The following PRKRIP1 variants were observed in gnomAD, a reference collection of about 807,000 sequenced individuals.
PRKRIP1 encodes PRKR interacting protein 1.
Under a neutral mutation model 29.3 loss-of-function variants are expected in PRKRIP1, and 29 were observed. That is an observed-to-expected ratio of 0.99 (90% CI 0.74 to 1.35). The LOEUF is 1.35. PRKRIP1 is among the 40% of genes most tolerant of loss of function. The pLI, the probability that PRKRIP1 is intolerant of heterozygous loss-of-function variation, is 0.00. For synonymous variants in PRKRIP1, 90 were observed against 85.1 expected (o/e 1.06, Z -0.32); for missense variants, 247 against 236.8 (o/e 1.04, Z -0.28).
At position 102,425,175 on chromosome 7, in the gene PRKRIP1, T is replaced by A. The variant is rs1554574294; in HGVS notation, c.*64T>A. ...GCTGTGACCAGAAGGGAAAGGCGGC[T>A]GTTTGGCTCTTTCTCCCCCGCAAGG... is the stretch of plus-strand genomic sequence containing the variant. On this transcript the variant is annotated 3_prime_UTR_variant, in exon 6 of 6. Coordinates refer to ENST00000397912, the MANE Select transcript of PRKRIP1 (RefSeq NM_024653.4). 4 of 1,557,480 alleles carry A rather than the reference T, an allele frequency of 2.6e-6. No homozygotes were observed. The highest frequency in any genetic ancestry group is 3.8e-5 in the Admixed American group (2 of 52,654).
At chr7:102,420,531 G>C (rs1796666633) in intron 5 of PRKRIP1, among the ~76,000 whole-genome samples, 1 of 152,106 alleles carries the variant, frequency 6.6e-6, no homozygotes, top group African/African-American at 2.4e-5. Flanking sequence ...ATTTCTTACT[G>C]TTATGTATTT....
intron 5 of PRKRIP1, among the ~76,000 whole-genome samples, chr7:102,419,278 G>A (rs1213471180): frequency 6.6e-6 from 1 of 152,014 alleles, no homozygotes; most frequent in African/African-American, 2.4e-5. Context: ...GCCAGGCACT[G>A]TGGCGGGCAC....
intron 5 of PRKRIP1, among the ~76,000 whole-genome samples, chr7:102,413,914 T>C (rs954755721): frequency 1.3e-5 from 2 of 151,952 alleles, no homozygotes; most frequent in African/African-American, 4.8e-5. Context: ...TAAAATAATA[T>C]ATAAACAGTA....
chr7:102,416,067 C>T (rs1182199705), intron 5 of PRKRIP1, among the ~76,000 whole-genome samples: 1 of 152,226 alleles, frequency 6.6e-6, no homozygotes, highest in Non-Finnish European at 1.5e-5. Context: ...TGTGTAAAGC[C>T]TCTCCTCACC....
At chr7:102,403,747 T>C (rs56411810) in intron 3 of PRKRIP1, among the ~76,000 whole-genome samples, 30,629 of 152,158 alleles carry the variant, frequency 0.2, 3,918 homozygotes, top group East Asian at 0.36. Context: ...TATAGATGAG[T>C]AGACTGAGGC....
intron 5 of PRKRIP1, among the ~76,000 whole-genome samples, chr7:102,408,903 G>A (rs1554572213): frequency 6.6e-6 from 1 of 152,110 alleles, no homozygotes; most frequent in Non-Finnish European, 1.5e-5. Flanking sequence ...GCCAGGCGTG[G>A]TGGCTCATGC....
rs782086606 is a variant in PRKRIP1 at position 102,396,366 on chromosome 7, C to T, written c.-46C>T. ...GCCGGCGCGCGGCTGTGTCGTCATA[C>T]TTGCGCGCCGACGCCGCCGCTCGCT... On this transcript the variant is annotated 5_prime_UTR_variant, in exon 1 of 6. Transcript: ENST00000397912. 7 of 1,478,924 alleles carry T rather than the reference C, an allele frequency of 4.7e-6. No individual in the cohort carries two copies. The highest frequency in any genetic ancestry group is 6.3e-6 in the Non-Finnish European group (7 of 1,119,204). The allele number at this position is 1,478,924 out of a possible 1,614,324, so 91.6% of individuals were successfully genotyped here. A position where few individuals can be genotyped will look rare whatever the true frequency, so the allele number is the denominator to read the frequency against.
intron 5 of PRKRIP1, among the ~76,000 whole-genome samples, chr7:102,418,944 C>A (rs1796622012): frequency 6.6e-6 from 1 of 152,092 alleles, no homozygotes; most frequent in South Asian, 2.1e-4. Flanking sequence ...GATCCTCCGG[C>A]CTCAACCTCC....
intron 5 of PRKRIP1, among the ~76,000 whole-genome samples, chr7:102,419,489 A>G (rs1039528903): frequency 6.6e-6 from 1 of 152,198 alleles, no homozygotes; most frequent in Non-Finnish European, 1.5e-5. Flanking sequence ...GCATAGTACC[A>G]TGTATCCACC....
At chr7:102,399,787 A>T in intron 3 of PRKRIP1, 139 bp downstream of exon 3, 1 of 623,076 alleles carries the variant, frequency 1.6e-6, no homozygotes, top group Non-Finnish European at 2.8e-6. Context: ...GAGGCAGGGG[A>T]TCACCTGAGG....
rs141971809 is a variant in PRKRIP1, at chr7:102,396,525, C to T, written c.114C>T (p.Leu38=). The T allele has an allele frequency of 8.7e-6, 14 of 1,608,480 alleles. No individual in the cohort carries two copies. The African/African-American group carries it at 1.7e-4, about 20-fold the overall frequency. Residue 38 remains leucine (L), a synonymous_variant, in exon 1 of 6, where the codon CTC becomes CTT. Coordinates refer to ENST00000397912, the MANE Select transcript of PRKRIP1 (RefSeq NM_024653.4). ...AEEQKLKLER[L]MKNPDKAVPI... ...AGCAGAAGCTCAAGCTGGAGCGGCTCATGAAGAACCCGGTGAGACGAGGCC... is the reference window on the plus strand; with the variant it reads ...AGCAGAAGCTCAAGCTGGAGCGGCTTATGAAGAACCCGGTGAGACGAGGCC...
chr7:102,410,036 A>C (rs1402121223), intron 5 of PRKRIP1, among the ~76,000 whole-genome samples: 1 of 152,146 alleles, frequency 6.6e-6, no homozygotes, highest in Non-Finnish European at 1.5e-5. Context: ...GGAAGATGAG[A>C]GATTTCCTTG....
chr7:102,407,011 G>A (rs756854647), intron 4 of PRKRIP1, among the ~76,000 whole-genome samples: 5 of 152,016 alleles, frequency 3.3e-5, no homozygotes, highest in South Asian at 2.1e-4. Context: ...GTAGGAGATC[G>A]AGACCATCCT....
intron 1 of PRKRIP1, among the ~76,000 whole-genome samples, chr7:102,396,771 T>G (rs571244143): frequency 6.6e-6 from 1 of 152,268 alleles, no homozygotes; most frequent in East Asian, 1.9e-4. Flanking sequence ...GTGGAGCGGC[T>G]TCCCGTGCTC....
At chr7:102,424,333 G>A (rs1298039156) in intron 5 of PRKRIP1, among the ~76,000 whole-genome samples, 2 of 152,250 alleles carry the variant, frequency 1.3e-5, no homozygotes, top group Non-Finnish European at 2.9e-5. Flanking sequence ...GCCTGCGGCC[G>A]GCGTCCTGGC....
rs200275795 is a variant in PRKRIP1, at chr7:102,424,993, T to A, written c.458-21T>A. On this transcript the variant is annotated intron_variant, in intron 5 of 5. Coordinates refer to ENST00000397912, the MANE Select transcript of PRKRIP1 (RefSeq NM_024653.4). ...CTGAACGATTTTGCATGTCTGTAAT[T>A]TGAATGTCGTGTGGTTACAGGACCC... 1.3e-3 allele frequency: 2,060 copies of A among 1,604,716 alleles called. 1 individual carries two copies. The highest frequency in any genetic ancestry group is 1.5e-3 in the Non-Finnish European group (1,710 of 1,176,518).
At chr7:102,398,337 T>C (rs992220401) in intron 2 of PRKRIP1, among the ~76,000 whole-genome samples, 8 of 152,086 alleles carry the variant, frequency 5.3e-5, no homozygotes, top group African/African-American at 1.9e-4. Context: ...CAGGCTGTAG[T>C]GCAGTGACAC....
At chr7:102,401,600 G>A (rs981067478) in intron 3 of PRKRIP1, among the ~76,000 whole-genome samples, 5 of 152,202 alleles carry the variant, frequency 3.3e-5, no homozygotes, top group Non-Finnish European at 7.3e-5. Context: ...GGGCGTGGTG[G>A]CACATGCCTA....
chr7:102,408,885 T>G (rs974471523), intron 5 of PRKRIP1, among the ~76,000 whole-genome samples: 5 of 149,238 alleles, frequency 3.4e-5, no homozygotes, highest in Non-Finnish European at 5.9e-5. Context: ...CTCAAAAAAA[T>G]AAAACAGGCC....
Sources: allele counts gnomAD v4.1 joint callset (sites outside exome capture counted in the v4.1 genomes callset), GRCh38; gene constraint gnomAD v4.1.1; transcripts MANE v1.5; gene names NCBI Gene and HGNC (gene_info 2026-07-23, HGNC 2026-07-21).